The following PP2D1 variants were observed in gnomAD, a reference collection of about 807,000 sequenced individuals.
PP2D1 encodes the protein protein phosphatase 2C like domain containing 1.
In PP2D1, 25 loss-of-function variants were observed where a neutral mutation model predicts 30.2. That is an observed-to-expected ratio of 0.83 (90% CI 0.60 to 1.16). PP2D1 has a LOEUF of 1.16. Ranked by LOEUF, PP2D1 falls within the 50% of genes most tolerant of loss-of-function variation. The probability of loss-of-function intolerance (pLI) is 0.00; values close to 1 mark genes in which losing one functional copy is unlikely to be tolerated. For missense variants in PP2D1, 760 were observed against 742.4 expected (o/e 1.02, Z -0.28); for synonymous variants, 260 against 258.9 (o/e 1.00, Z -0.04).
At chr3:20,007,702 A>G in intron 1 of PP2D1, 1 of 140,962 alleles carries the variant, frequency 7.1e-6, no homozygotes, top group Non-Finnish European at 1.5e-5. Context: ...CGGGAGGCGG[A>G]GGTGGTGGTG....
Position 20,001,793 on chromosome 3 carries a change from C to T in PP2D1, c.327G>A (p.Gln109=). The part of the protein sequence containing the change: ...KKPQPSVIAV[Q]RQFMISKLLS... ...ATAGTTTAGAAATCATGAACTGTCT[C>T]TGAACAGCAATCACTGAGGGCTGTG... The change falls in exon 2 of 3, where the codon CAG becomes CAA. Residue 109 remains glutamine, a synonymous_variant. Transcript: ENST00000389050. The T allele has an allele frequency of 6.5e-7, 1 of 1,535,114 alleles. No homozygotes were observed. The highest frequency in any genetic ancestry group is 8.7e-7 in the Non-Finnish European group (1 of 1,146,580).
At chr3:19,989,192 C>T (rs952315614) in intron 2 of PP2D1, among the ~76,000 whole-genome samples, 12 of 151,512 alleles carry the variant, frequency 7.9e-5, no homozygotes, top group African/African-American at 2.7e-4. Context: ...ATTAGCCGGG[C>T]GTGATGGTGC....
At position 20,001,774 on chromosome 3, in the gene PP2D1, T is replaced by C. The variant is rs759664118; in HGVS notation, c.346A>G (p.Lys116Glu). 2 of 1,533,898 alleles carry C rather than the reference T, an allele frequency of 1.3e-6. No homozygotes were observed. Among genetic ancestry groups the C allele is most frequent in the South Asian group, 1.2e-5 (1 of 83,810 alleles). Residue 116 changes from lysine to glutamate, a missense_variant, in exon 2 of 3, where the codon AAA becomes GAA. Coordinates refer to ENST00000389050, the MANE Select transcript of PP2D1 (RefSeq NM_001252657.2). ...GTGAACATAAAAGATGACAATAGTT[T>C]AGAAATCATGAACTGTCTCTGAACA... Reference protein sequence around the residue: ...IAVQRQFMISKLLSSFMFTEK... With the variant: ...IAVQRQFMISELLSSFMFTEK...
intron 1 of PP2D1, among the ~76,000 whole-genome samples, chr3:20,008,567 C>T (rs567426159): frequency 1.3e-5 from 2 of 152,148 alleles, no homozygotes; most frequent in East Asian, 3.9e-4. Flanking sequence ...AACTCTGTCT[C>T]AAAACAAACA....
chr3:20,006,109 G>A (rs111857386), intron 1 of PP2D1, among the ~76,000 whole-genome samples: 1,667 of 151,942 alleles, frequency 0.011, 13 homozygotes, highest in Middle Eastern at 0.017. Context: ...TTAGATGGGC[G>A]TGATGGCACA....
intron 2 of PP2D1, among the ~76,000 whole-genome samples, chr3:19,994,691 C>A (rs1376842038): frequency 6.6e-6 from 1 of 152,168 alleles, no homozygotes; most frequent in South Asian, 2.1e-4. Flanking sequence ...TTTACACTTT[C>A]ATCTGTTTTG....
Position 20,001,153 on chromosome 3 carries a change from G to T in PP2D1, c.967C>A (p.Pro323Thr). The change falls in exon 2 of 3, where the codon CCT becomes ACT. Residue 323 changes from proline (P) to threonine (T), a missense_variant. Transcript: ENST00000389050. ...SAVTCILEGK[P>T]KSPYAHKNWK... ...TTCTTATGAGCATAAGGACTTTTAG[G>T]TTTGCCTTCCAATATACAAGTAACT... is the stretch of plus-strand genomic sequence containing the variant. 2.0e-6 allele frequency: 3 copies of T among 1,471,726 alleles called. No individual in the cohort carries two copies. Among genetic ancestry groups the T allele is most frequent in the South Asian group, 2.7e-5 (2 of 74,942 alleles). 91.2% of individuals were successfully genotyped at this position (1,471,726 alleles called of 1,614,324 possible).
At chr3:20,005,827 C>G (rs1469110927) in intron 1 of PP2D1, among the ~76,000 whole-genome samples, 1 of 152,158 alleles carries the variant, frequency 6.6e-6, no homozygotes, top group Non-Finnish European at 1.5e-5. Flanking sequence ...CTTCCCACCC[C>G]ACTTGAACCC....
chr3:19,986,521 T>C (rs1288266047), intron 2 of PP2D1, among the ~76,000 whole-genome samples: 20 of 152,256 alleles, frequency 1.3e-4, no homozygotes, highest in Non-Finnish European at 2.6e-4. Flanking sequence ...TGAACTTTTT[T>C]ATAGCCAACA....
At chr3:19,988,834 C>T (rs566184942) in intron 2 of PP2D1, among the ~76,000 whole-genome samples, 6 of 152,090 alleles carry the variant, frequency 3.9e-5, no homozygotes, top group Non-Finnish European at 7.4e-5. Flanking sequence ...GTGGTTCCCC[C>T]GATAGGGCAT....
intron 2 of PP2D1, among the ~76,000 whole-genome samples, chr3:19,987,053 A>T (rs1697048359): frequency 6.6e-6 from 1 of 151,852 alleles, no homozygotes; most frequent in Admixed American, 6.6e-5. Context: ...AAAAAAAAAA[A>T]ATCATTCCTG....
At position 19,986,136 on chromosome 3, in the gene PP2D1, TA is replaced by T. The variant is rs1697030757; in HGVS notation, c.1136del (p.Leu379GlnfsTer32). Reference protein sequence around the residue: ...VLCRNGKGFCLTKEHTTRNTN... With the variant: ...VLCRNGKGFCXTKEHTTRNTN... ...TGTTTCGTGTAGTATGTTCTTTGGT[TA>T]GGCAAAAACCTTTCCCATTTCTGCA... On this transcript the variant is annotated frameshift_variant, in exon 3 of 3. Coordinates refer to ENST00000389050, the MANE Select transcript of PP2D1 (RefSeq NM_001252657.2). LOFTEE classifies it low-confidence loss of function (END_TRUNC). 9.2e-6 allele frequency: 14 copies of T among 1,529,198 alleles called. No individual in the cohort carries two copies. Among genetic ancestry groups the T allele is most frequent in the Non-Finnish European group, 1.1e-5 (13 of 1,144,970 alleles). 94.7% of individuals were successfully genotyped at this position (1,529,198 alleles called of 1,614,324 possible). A position where few individuals can be genotyped will look rare whatever the true frequency, so the allele number is the denominator to read the frequency against.
chr3:20,005,324 G>T (rs896700877), intron 1 of PP2D1, among the ~76,000 whole-genome samples: 1 of 151,740 alleles, frequency 6.6e-6, no homozygotes, highest in African/African-American at 2.4e-5. Context: ...GGCTAATTTT[G>T]TATTTTTAGT....
In PP2D1 at chr3:19,997,777, C is replaced by T. The variant is rs76699955; in HGVS notation, c.1090+3253G>A. Among the ~76,000 whole-genome samples the T allele has an allele frequency of 5.3e-3, 814 of 152,248 alleles. 13 individuals carry two copies. Among genetic ancestry groups the T allele is most frequent in the African/African-American group, 0.019 (769 of 41,544 alleles). On this transcript the variant is annotated intron_variant, in intron 2 of 2. Coordinates refer to ENST00000389050, the MANE Select transcript of PP2D1 (RefSeq NM_001252657.2). ...AGCCAGACCAGAAAGACAAACATTACATGTTCTCTCTCATATGTGGGTCCT... is the reference window on the plus strand; with the variant it reads ...AGCCAGACCAGAAAGACAAACATTATATGTTCTCTCTCATATGTGGGTCCT...
Position 20,001,627 on chromosome 3 carries a change from G to A in PP2D1, c.493C>T (p.His165Tyr). 1 of 1,536,118 alleles carries A rather than the reference G, an allele frequency of 6.5e-7. No homozygotes were observed. Among genetic ancestry groups the A allele is most frequent in the Non-Finnish European group, 8.7e-7 (1 of 1,146,778 alleles). ...ATGCCCACTCCTTTAATTAACAGATGACATATTTTTTGAGAATATATGACA... is the reference window on the plus strand; with the variant it reads ...ATGCCCACTCCTTTAATTAACAGATAACATATTTTTTGAGAATATATGACA... ...RSVIYSQKIC[H>Y]LLIKGVGICE... is the part of the protein sequence containing the mutation. Residue 165 changes from histidine (H) to tyrosine (Y), a missense_variant, in exon 2 of 3, where the codon CAT (histidine) becomes TAT (tyrosine). By Grantham distance (83) the His-to-Tyr change is moderately conservative. This residue lies in a region of PP2D1 where 374 missense variants were observed against 388.8 expected (regional missense o/e 0.96). Transcript: ENST00000389050.
downstream of PP2D1, among the ~76,000 whole-genome samples, chr3:19,982,900 G>C (rs1176489860): frequency 3.3e-5 from 5 of 152,146 alleles, no homozygotes; most frequent in Non-Finnish European, 1.5e-5. Context: ...AGTTTTGTTG[G>C]GGTGATGATT....
Position 20,001,915 on chromosome 3 carries a change from A to G in PP2D1, c.205T>C (p.Cys69Arg), listed in dbSNP as rs575624643. 4.6e-6 allele frequency: 7 copies of G among 1,536,342 alleles called. No individual in the cohort carries two copies. The highest frequency in any genetic ancestry group is 5.2e-6 in the Non-Finnish European group (6 of 1,147,002). Residue 69 changes from cysteine to arginine, a missense_variant, in exon 2 of 3, where the codon TGC (cysteine) becomes CGC (arginine). Physicochemically the swap from Cys to Arg is radical, Grantham distance 180. Coordinates refer to ENST00000389050, the MANE Select transcript of PP2D1 (RefSeq NM_001252657.2). ...EQGTTLPCSI[C>R]KHEIDLTGIF... ...CCAGTTAGGTCAATTTCGTGCTTGC[A>G]TATGGAACAGGGTAATGTGGTCCCT...
intron 2 of PP2D1, among the ~76,000 whole-genome samples, chr3:20,000,288 G>A (rs1047087899): frequency 6.6e-5 from 10 of 152,070 alleles, no homozygotes; most frequent in Non-Finnish European, 1.3e-4. Context: ...AAGACTAGAC[G>A]AGGAAATTAC....
chr3:20,008,253 T>G (rs1201378497), intron 1 of PP2D1: 1 of 156,094 alleles, frequency 6.4e-6, no homozygotes, highest in East Asian at 1.9e-4. Context: ...GCCATCTTTC[T>G]CCTACGGTCT....
Sources: gnomAD v4.1 joint callset for allele counts (sites outside exome capture counted in the v4.1 genomes callset) on GRCh38, gnomAD v4.1.1 for gene constraint, gnomAD v4.1.1 regional missense constraint, MANE v1.5 for transcripts, NCBI Gene and HGNC (gene_info 2026-07-23, HGNC 2026-07-21) for gene names.